ZDHHC11: variants seen among roughly 807,000 people sequenced by gnomAD.
ZDHHC11 encodes the protein zDHHC palmitoyltransferase 11.
In ZDHHC11, 44 loss-of-function variants were observed where a neutral mutation model predicts 51.3. That is an observed-to-expected ratio of 0.86 (90% confidence interval 0.67 to 1.10). ZDHHC11 has a LOEUF of 1.10. Ranked by LOEUF, ZDHHC11 falls within the 50% of genes least tolerant of loss-of-function variation. The probability of loss-of-function intolerance (pLI) is 0.00; values close to 1 mark genes in which losing one functional copy is unlikely to be tolerated. For missense variants in ZDHHC11, 400 were observed against 537.7 expected (o/e 0.74, Z 2.53); for synonymous variants, 163 against 222.0 (o/e 0.73, Z 2.36).
Position 829,583 on chromosome 5 carries a change from A to T in ZDHHC11, c.935+4190T>A, listed in dbSNP as rs425732. Among the ~76,000 whole-genome samples, 755 of 146,864 alleles carry T rather than the reference A, an allele frequency of 5.1e-3. 11 individuals are homozygous for T. Among genetic ancestry groups the T allele is most frequent in the Non-Finnish European group, 6.1e-3 (402 of 66,380 alleles). On this transcript the variant is annotated intron_variant, in intron 7 of 12. Coordinates refer to ENST00000283441, the MANE Select transcript of ZDHHC11 (RefSeq NM_024786.3). Reference sequence around the variant, plus strand: ...AGGCATCCAAAGAAGGACTGGTACCAATCTTATGGAAACTATTACAAAAGA... The same window carrying T: ...AGGCATCCAAAGAAGGACTGGTACCTATCTTATGGAAACTATTACAAAAGA...
At chr5:843,377 G>T (rs1745386166) in intron 4 of ZDHHC11, 1 of 748,292 alleles carries the variant, frequency 1.3e-6, no homozygotes. Context: ...CTACAGAGCA[G>T]CGTGGCCAGC....
intron 8 of ZDHHC11, chr5:823,345 ACC>A: frequency 6.6e-6 from 1 of 150,902 alleles, no homozygotes; most frequent in African/African-American, 2.4e-5. Flanking sequence ...CAGCTGCTGC[ACC>A]ACACTCATTA....
At position 843,596 on chromosome 5, in the gene ZDHHC11, G is replaced by C. The variant is rs768599001; in HGVS notation, c.628+4C>G. ...GAGGCCCCTTGAGAGCGGCGGCCACGTACCTTCATACCTGGGGTCCGTGCG... is the reference window on the plus strand; with the variant it reads ...GAGGCCCCTTGAGAGCGGCGGCCACCTACCTTCATACCTGGGGTCCGTGCG... On this transcript the variant is annotated splice_donor_region_variant and intron_variant, in intron 4 of 12. Coordinates refer to ENST00000283441, the MANE Select transcript of ZDHHC11 (RefSeq NM_024786.3). 3.1e-6 allele frequency: 5 copies of C among 1,608,338 alleles called. No individual in the cohort carries two copies. Among genetic ancestry groups the C allele is most frequent in the Non-Finnish European group, 4.2e-6 (5 of 1,176,648 alleles).
intron 8 of ZDHHC11, chr5:824,063 T>G: frequency 2.2e-6 from 1 of 455,026 alleles, no homozygotes; most frequent in Admixed American, 2.4e-5. Context: ...GCCTGTTCCC[T>G]GAAATCCTGG....
In ZDHHC11 at chr5:837,439, G is replaced by T; in HGVS notation, c.826C>A (p.Arg276Ser). The stretch of plus-strand genomic sequence containing the variant: ...TGATGTTTTGAACTCTCTTCTTTGC[G>T]GTTATTAATGAGATACTCAAAGGTG... ...MTTFEYLINNRKEESSKHQAV... is the reference protein window; with the variant it reads ...MTTFEYLINNSKEESSKHQAV... The change falls in exon 6 of 13, where the codon CGC becomes AGC. Residue 276 changes from arginine (R) to serine (S), a missense_variant. Arg to Ser is a moderately radical substitution (Grantham distance 110). This residue lies in a region of ZDHHC11 where 231 missense variants were observed against 227.4 expected (regional missense o/e 1.02). Coordinates refer to ENST00000283441, the MANE Select transcript of ZDHHC11 (RefSeq NM_024786.3). 5 of 1,611,290 alleles carry T rather than the reference G, an allele frequency of 3.1e-6. No homozygotes were observed. The highest frequency in any genetic ancestry group is 4.2e-6 in the Non-Finnish European group (5 of 1,177,960).
In ZDHHC11 at chr5:850,451, C is replaced by T; in HGVS notation, c.152G>A (p.Gly51Asp). 4 of 1,613,670 alleles carry T rather than the reference C, an allele frequency of 2.5e-6. No individual in the cohort carries two copies. Among genetic ancestry groups the T allele is most frequent in the Non-Finnish European group, 3.4e-6 (4 of 1,180,024 alleles). Reference sequence around the variant, plus strand: ...GATCCCGAAGGTGGCCGAGGAAAGGCCCACGAAGACAGCCCAGGTCACCAC... The same window carrying T: ...GATCCCGAAGGTGGCCGAGGAAAGGTCCACGAAGACAGCCCAGGTCACCAC... ...FQVVTWAVFV[G>D]LSSATFGIFI... is the part of the protein sequence containing the mutation. Residue 51 changes from glycine (G) to aspartate (D), a missense_variant, in exon 1 of 13, where the codon GGC becomes GAC. Transcript: ENST00000283441.
chr5:813,101 C>T (rs1740304296), intron 11 of ZDHHC11, among the ~76,000 whole-genome samples: 1 of 145,220 alleles, frequency 6.9e-6, no homozygotes, highest in Non-Finnish European at 1.5e-5. Flanking sequence ...CTTTAGGAGG[C>T]TGAGGCAGGC....
rs544635260 is a variant in ZDHHC11 at position 819,196 on chromosome 5, A to G, written c.1146+329T>C. On this transcript the variant is annotated intron_variant, in intron 10 of 12. Transcript: ENST00000283441. ...TACCAATTTCCCTCCATCCTTTATC[A>G]CGGCACTGTCCCTCACTGCATGTTC... 3.2e-4 allele frequency among the ~76,000 whole-genome samples: 49 copies of G among 151,554 alleles called. 1 individual carries two copies. The highest frequency in any genetic ancestry group is 1.2e-3 in the African/African-American group (49 of 41,374).
chr5:855,827 CCGGGGGGCA>C (rs1748157164), upstream of ZDHHC11, among the ~76,000 whole-genome samples: 1 of 141,224 alleles, frequency 7.1e-6, no homozygotes, highest in African/African-American at 2.7e-5. Context: ...GGACAGTGAG[CCGGGGGGCA>C]CAGACCCCAC....
upstream of ZDHHC11, among the ~76,000 whole-genome samples, chr5:853,257 C>T (rs550817380): frequency 4.6e-5 from 6 of 129,262 alleles, no homozygotes; most frequent in South Asian, 2.6e-4. Flanking sequence ...CAGTGAGCAG[C>T]GGGCACAGAC....
chr5:819,741 C>A, intron 9 of ZDHHC11, 129 bp from the exon 10 acceptor site: 1 of 919,724 alleles, frequency 1.1e-6, no homozygotes, highest in East Asian at 2.6e-5. Flanking sequence ...AACTGGAGAC[C>A]AGCAGCTCCC....
chr5:829,028 T>C (rs1019230250), intron 7 of ZDHHC11, among the ~76,000 whole-genome samples: 2 of 131,860 alleles, frequency 1.5e-5, no homozygotes, highest in African/African-American at 2.8e-5. Context: ...CAGCATTAAA[T>C]GGCCACATCA....
At chr5:841,194 C>A (rs1417532204) in intron 4 of ZDHHC11, 1 of 1,051,140 alleles carries the variant, frequency 9.5e-7, no homozygotes, top group African/African-American at 1.7e-5. Context: ...CAGCACCCAC[C>A]CCTTCCTAAG....
intron 1 of ZDHHC11, among the ~76,000 whole-genome samples, chr5:857,804 C>A (rs1008557796): frequency 1.4e-5 from 2 of 146,498 alleles, no homozygotes; most frequent in Non-Finnish European, 3.0e-5. Context: ...TTTATGACAC[C>A]GTGGTCCCCT....
At chr5:823,771 T>C (rs193102082) in intron 8 of ZDHHC11, 8 of 283,118 alleles carry the variant, frequency 2.8e-5, no homozygotes, top group East Asian at 8.2e-5. Flanking sequence ...CATCCACACA[T>C]AGAAGCTGCA....
chr5:843,979 G>C, intron 3 of ZDHHC11, among the ~76,000 whole-genome samples: 1 of 109,308 alleles, frequency 9.1e-6, no homozygotes, highest in African/African-American at 6.6e-5. Flanking sequence ...GGCAGGGGCA[G>C]GGACACGCAG....
At chr5:814,683 A>G in intron 11 of ZDHHC11, 78 bp downstream of exon 11, 1 of 1,378,650 alleles carries the variant, frequency 7.3e-7, no homozygotes, top group East Asian at 2.5e-5. Context: ...TTAAATAGAG[A>G]ACATATTTTC....
intron 7 of ZDHHC11, among the ~76,000 whole-genome samples, chr5:828,727 C>A (rs1324692339): frequency 6.7e-6 from 1 of 150,374 alleles, no homozygotes; most frequent in Non-Finnish European, 1.5e-5. Flanking sequence ...ATGGAAAATT[C>A]TCCAAGATAC....
intron 12 of ZDHHC11, among the ~76,000 whole-genome samples, chr5:799,214 G>C (rs143431838): frequency 1.9e-4 from 28 of 149,618 alleles, no homozygotes; most frequent in South Asian, 6.3e-4. Context: ...TTGCTCTAAC[G>C]AACCCATGAG....
Sources: allele counts gnomAD v4.1 joint callset (sites outside exome capture counted in the v4.1 genomes callset), GRCh38; gene constraint gnomAD v4.1.1; regional missense constraint gnomAD v4.1.1; transcripts MANE v1.5; gene names NCBI Gene and HGNC (gene_info 2026-07-23, HGNC 2026-07-21).